IFNLR1: variants seen among roughly 807,000 people sequenced by gnomAD.
IFNLR1 encodes CRF2-12.
Under a neutral mutation model 52.5 loss-of-function variants are expected in IFNLR1, and 28 were observed. The observed-to-expected ratio is 0.53, with a 90% CI of 0.40 to 0.73. The LOEUF is 0.73. Among genes scored for constraint, IFNLR1 ranks in the 30% least tolerant of loss-of-function variants. IFNLR1 has a pLI of 0.00. For missense variants in IFNLR1, 623 were observed against 659.1 expected (o/e 0.95, Z 0.60); for synonymous variants, 276 against 274.9 (o/e 1.00, Z -0.04).
At chr1:24,172,679 G>A (rs1014339187) in intron 2 of IFNLR1, among the ~76,000 whole-genome samples, 9 of 152,118 alleles carry the variant, frequency 5.9e-5, no homozygotes, top group African/African-American at 2.2e-4. Context: ...ATATTGCTTA[G>A]GACACCAAAA....
chr1:24,163,657 G>A (rs1052791542), intron 3 of IFNLR1, among the ~76,000 whole-genome samples: 3 of 150,358 alleles, frequency 2.0e-5, no homozygotes, highest in South Asian at 4.2e-4. Context: ...TCGGCTCACC[G>A]CAACCTCTGC....
At position 24,154,470 on chromosome 1, in the gene IFNLR1, C is replaced by G. The variant is rs1485974262; in HGVS notation, c.*2660G>C. The G allele has an allele frequency of 6.6e-6, 1 of 152,218 alleles. No homozygotes were observed. Among genetic ancestry groups the G allele is most frequent in the Non-Finnish European group, 1.5e-5 (1 of 68,054 alleles). The allele number at this position is 152,218 out of a possible 1,614,324, so 9.4% of individuals were successfully genotyped here. A position where few individuals can be genotyped will look rare whatever the true frequency, so the allele number is the denominator to read the frequency against. ...TGACCACACAAGGCAAATTATTATA[C>G]TGATTATCATGCCCTTTCCAAATGC... is the stretch of plus-strand genomic sequence containing the variant. On this transcript the variant is annotated 3_prime_UTR_variant, in exon 7 of 7. Transcript: ENST00000327535.
At chr1:24,161,955 A>T (rs868648248) in intron 3 of IFNLR1, among the ~76,000 whole-genome samples, 1 of 152,222 alleles carries the variant, frequency 6.6e-6, no homozygotes. Context: ...CTCTCATGCC[A>T]TCCCATCCGC....
In IFNLR1 at chr1:24,161,724, G is replaced by A. The variant is rs759103223; in HGVS notation, c.368-40C>T. On this transcript the variant is annotated intron_variant, in intron 3 of 6. Coordinates refer to ENST00000327535, the MANE Select transcript of IFNLR1 (RefSeq NM_170743.4). ...CAGGACCTGTCAGTAATCCCGAGGG[G>A]CCGCACTGCCTCCATCCCCCAAGAC... 77 of 1,450,706 alleles carry A rather than the reference G, an allele frequency of 5.3e-5. No individual in the cohort carries two copies. The East Asian group carries it at 1.5e-3, about 28-fold the overall frequency. 89.9% of individuals were successfully genotyped at this position (1,450,706 alleles called of 1,614,324 possible).
intron 1 of IFNLR1, among the ~76,000 whole-genome samples, chr1:24,183,443 T>C (rs1034592635): frequency 2.6e-5 from 4 of 152,102 alleles, no homozygotes; most frequent in Non-Finnish European, 5.9e-5. Context: ...ACAAAATAAA[T>C]TTTTTAAAAA....
intron 3 of IFNLR1, among the ~76,000 whole-genome samples, chr1:24,167,648 G>A (rs1221753502): frequency 6.6e-6 from 1 of 151,738 alleles, no homozygotes; most frequent in East Asian, 1.9e-4. Flanking sequence ...GCCTCCCAAA[G>A]TGCTCAGATT....
intron 3 of IFNLR1, among the ~76,000 whole-genome samples, chr1:24,162,876 T>TCTCCTTCCTTCCTTCCTTCC (rs1644474541): frequency 4.4e-5 from 1 of 22,582 alleles, no homozygotes; most frequent in Non-Finnish European, 8.0e-5. Flanking sequence ...TCTTTCTTTC[T>TCTCCTTCCTTCCTTCCTTCC]TTCCTTCCTT....
chr1:24,159,725 TG>T, intron 4 of IFNLR1, 92 bp from the exon 5 acceptor site: 102 of 979,094 alleles, frequency 1.0e-4, no homozygotes, highest in Non-Finnish European at 1.4e-4. Context: ...CATGGTAGGG[TG>T]TTTTTTTTTT....
In IFNLR1 at chr1:24,162,819, CTTCTTTCTTTCTTTTCT is replaced by C. The variant is rs1245647533; in HGVS notation, c.368-1152_368-1136del. Among the ~76,000 whole-genome samples the C allele has an allele frequency of 6.1e-3, 269 of 43,938 alleles. 21 individuals carry two copies. The highest frequency in any genetic ancestry group is 8.5e-3 in the East Asian group (10 of 1,174). The allele number at this position is 43,938 out of a possible 152,430, so 28.8% of individuals were successfully genotyped here. ...TTCTTTCTTTTTTCTTTCTTTTTTTCTTCTTTCTTTCTTTTCTTTCTTTCTTTCTTTCTTTCTTTCTT... is the reference window on the plus strand; with the variant it reads ...TTCTTTCTTTTTTCTTTCTTTTTTTCTTCTTTCTTTCTTTCTTTCTTTCTT... On this transcript the variant is annotated intron_variant, in intron 3 of 6. Coordinates refer to ENST00000327535, the MANE Select transcript of IFNLR1 (RefSeq NM_170743.4).
chr1:24,157,777 G>T lies in IFNLR1; in HGVS notation c.916C>A (p.Pro306Thr). The change falls in exon 7 of 7, where the codon CCT (proline) becomes ACT (threonine). Residue 306 changes from proline to threonine, a missense_variant. By Grantham distance (38) the Pro-to-Thr change is conservative. Transcript: ENST00000327535. This position sits in a 1 kb window ranked among gnomAD's most constrained non-coding sequence, Gnocchi z 5.1. ...KELTRGVRPTPRVRAPATQQT... is the reference protein window; with the variant it reads ...KELTRGVRPTTRVRAPATQQT... ...TGGGTGGCTGGGGCCCTGACTCGAGGCGTCGGCCTGACCCCTCTGGTCAGT... is the reference window on the plus strand; with the variant it reads ...TGGGTGGCTGGGGCCCTGACTCGAGTCGTCGGCCTGACCCCTCTGGTCAGT... The T allele has an allele frequency of 6.2e-7, 1 of 1,614,186 alleles. No individual in the cohort carries two copies. Among genetic ancestry groups the T allele is most frequent in the Non-Finnish European group, 8.5e-7 (1 of 1,180,040 alleles).
intron 1 of IFNLR1, 54 bp downstream of exon 1, chr1:24,187,137 G>T: frequency 8.3e-7 from 1 of 1,210,246 alleles, no homozygotes; most frequent in Non-Finnish European, 1.1e-6. Flanking sequence ...GGGTAGGCGC[G>T]GCCCGGCCCG....
intron 4 of IFNLR1, among the ~76,000 whole-genome samples, chr1:24,161,047 C>G (rs1429895267): frequency 6.6e-6 from 1 of 152,138 alleles, no homozygotes; most frequent in Non-Finnish European, 1.5e-5. Context: ...TTTACTGGAA[C>G]CCAGCGATGC....
chr1:24,165,719 G>A (rs1330081249), intron 3 of IFNLR1, among the ~76,000 whole-genome samples: 1 of 151,490 alleles, frequency 6.6e-6, no homozygotes, highest in Non-Finnish European at 1.5e-5. Context: ...TGTGTTTGTG[G>A]TCAAGGTAAA....
In IFNLR1 at chr1:24,157,708, C is replaced by T; in HGVS notation, c.985G>A (p.Glu329Lys). 1 of 1,614,078 alleles carries T rather than the reference C, an allele frequency of 6.2e-7. No homozygotes were observed. The highest frequency in any genetic ancestry group is 8.5e-7 in the Non-Finnish European group (1 of 1,179,994). The change falls in exon 7 of 7, where the codon GAG becomes AAG. Residue 329 changes from glutamate to lysine, a missense_variant. Physicochemically the swap from Glu to Lys is moderately conservative, Grantham distance 56. Transcript: ENST00000327535. This position sits in a 1 kb window ranked among gnomAD's most constrained non-coding sequence, Gnocchi z 5.1. Reference protein sequence around the residue: ...KKDLAEDEEEEDEEDTEDGVS... With the variant: ...KKDLAEDEEEKDEEDTEDGVS... Reference sequence around the variant, plus strand: ...CCATCTTCTGTGTCCTCCTCATCCTCCTCCTCTTCGTCCTCTGCAAGGTCC... The same window carrying T: ...CCATCTTCTGTGTCCTCCTCATCCTTCTCCTCTTCGTCCTCTGCAAGGTCC...
In IFNLR1 at chr1:24,157,520, G is replaced by A; in HGVS notation, c.1173C>T (p.Ala391=). The A allele has an allele frequency of 6.2e-7, 1 of 1,611,638 alleles. No individual in the cohort carries two copies. Residue 391 remains alanine, a synonymous_variant, in exon 7 of 7, where the codon GCC becomes GCT. Transcript: ENST00000327535. The surrounding 1 kb of genome is among the most constrained non-coding windows in gnomAD (Gnocchi z 5.1). The part of the protein sequence containing the change: ...SAWDSSDRSW[A]STVDSSWDRA... ...TGTCCCAGGAGGAGTCCACAGTGCT[G>A]GCCCAGCTTCTGTCTGAAGAATCCC...
At chr1:24,164,243 T>C (rs1278648458) in intron 3 of IFNLR1, among the ~76,000 whole-genome samples, 1 of 152,214 alleles carries the variant, frequency 6.6e-6, no homozygotes, top group African/African-American at 2.4e-5. Flanking sequence ...TCTCTTTCGC[T>C]CTTAGCACTG....
intron 6 of IFNLR1, 34 bp downstream of exon 6, chr1:24,159,018 C>T (rs1644410698): frequency 6.2e-7 from 1 of 1,607,156 alleles, no homozygotes; most frequent in South Asian, 1.1e-5. Context: ...CTCAACCCCT[C>T]CCCACCTGCT....
intron 1 of IFNLR1, among the ~76,000 whole-genome samples, chr1:24,181,805 T>C (rs1264310699): frequency 2.6e-5 from 4 of 152,072 alleles, no homozygotes; most frequent in Non-Finnish European, 2.9e-5. Context: ...TGGACATGGA[T>C]CAGACAAGAG....
At chr1:24,162,794 TTC>T (rs1644466212) in intron 3 of IFNLR1, among the ~76,000 whole-genome samples, 2 of 103,482 alleles carry the variant, frequency 1.9e-5, no homozygotes, top group Non-Finnish European at 4.1e-5. Context: ...TTCTTTTTCT[TTC>T]TTTCTTTTTT....
Sources: gnomAD v4.1 joint callset for allele counts (sites outside exome capture counted in the v4.1 genomes callset) on GRCh38, gnomAD v4.1.1 for gene constraint, Gnocchi (gnomAD v3.1) non-coding constraint, MANE v1.5 for transcripts, NCBI Gene and HGNC (gene_info 2026-07-23, HGNC 2026-07-21) for gene names.